The following FSIP1 variants were observed in gnomAD, a reference collection of about 807,000 sequenced individuals.
FSIP1 encodes the protein fibrous sheath interacting protein 1.
Under a neutral mutation model 60.9 loss-of-function variants are expected in FSIP1, and 65 were observed. The ratio of observed to expected loss-of-function variants is 1.07; its 90% CI spans 0.87 to 1.31. FSIP1 has a LOEUF of 1.31. Among genes scored for constraint, FSIP1 ranks in the 40% most tolerant of loss-of-function variants. The probability of loss-of-function intolerance (pLI) is 0.00; values close to 1 mark genes in which losing one functional copy is unlikely to be tolerated. For missense variants in FSIP1, 675 were observed against 665.5 expected (o/e 1.01, Z -0.16); for synonymous variants, 209 against 221.2 (o/e 0.94, Z 0.49).
At chr15:39,635,783 G>A (rs1015241456) in intron 10 of FSIP1, among the ~76,000 whole-genome samples, 1 of 152,124 alleles carries the variant, frequency 6.6e-6, no homozygotes, top group Non-Finnish European at 1.5e-5. Context: ...AAGCCATGCT[G>A]CCTACCCACC....
chr15:39,678,972 C>T (rs1894053675), intron 10 of FSIP1, among the ~76,000 whole-genome samples: 1 of 152,132 alleles, frequency 6.6e-6, no homozygotes, highest in African/African-American at 2.4e-5. Flanking sequence ...CAGGGAAAGT[C>T]CCTACTACAA....
intron 11 of FSIP1, among the ~76,000 whole-genome samples, chr15:39,603,008 G>A (rs1044987424): frequency 3.3e-5 from 5 of 152,172 alleles, no homozygotes; most frequent in African/African-American, 1.2e-4. Flanking sequence ...CTGGAGACAT[G>A]TTTGTCTGTC....
Position 39,770,436 on chromosome 15 carries a change from C to CA in FSIP1, c.300dup (p.Glu101Ter), listed in dbSNP as rs781777081. The stretch of plus-strand genomic sequence containing the variant: ...CTAGTGATTATCCTACCTGAACACT[C>CA]AGAGATTATCTGATGTTGAACCAAA... On this transcript the variant is annotated frameshift_variant, in exon 3 of 12. Transcript: ENST00000350221. LOFTEE classifies it high-confidence loss of function. The CA allele has an allele frequency of 2.2e-5, 35 of 1,595,602 alleles. No homozygotes were observed. The highest frequency in any genetic ancestry group is 3.0e-5 in the Non-Finnish European group (35 of 1,174,238).
intron 10 of FSIP1, among the ~76,000 whole-genome samples, chr15:39,649,497 A>G (rs1892776012): frequency 6.6e-6 from 1 of 152,222 alleles, no homozygotes; most frequent in Non-Finnish European, 1.5e-5. Flanking sequence ...ACTCTAGCTT[A>G]CTTCTTATAT....
At position 39,711,676 on chromosome 15, in the gene FSIP1, C is replaced by T. The variant is rs367918233; in HGVS notation, c.1188+1768G>A. Among the ~76,000 whole-genome samples, 87 of 85,756 alleles carry T rather than the reference C, an allele frequency of 1.0e-3. 1 individual carries two copies. The highest frequency in any genetic ancestry group is 4.1e-3 in the African/African-American group (82 of 19,842). 56.3% of individuals were successfully genotyped at this position (85,756 alleles called of 152,430 possible). A position where few individuals can be genotyped will look rare whatever the true frequency, so the allele number is the denominator to read the frequency against. ...TTACACTTCCCTACCATTCCTACTT[C>T]TTTTTTTTTTTTTTTTTTTTTTTTG... On this transcript the variant is annotated intron_variant, in intron 10 of 11. Transcript: ENST00000350221.
intron 10 of FSIP1, among the ~76,000 whole-genome samples, chr15:39,707,468 C>A (rs985357460): frequency 6.6e-6 from 1 of 152,104 alleles, no homozygotes; most frequent in Non-Finnish European, 1.5e-5. Flanking sequence ...TTGGCCCACC[C>A]TTCCTTTCTT....
At chr15:39,619,668 C>T in intron 10 of FSIP1, among the ~76,000 whole-genome samples, 1 of 152,138 alleles carries the variant, frequency 6.6e-6, no homozygotes, top group East Asian at 1.9e-4. Context: ...ACTATGGAAA[C>T]CTAGTCAAGT....
intron 10 of FSIP1, among the ~76,000 whole-genome samples, chr15:39,708,463 C>T (rs1895367912): frequency 6.6e-6 from 1 of 152,132 alleles, no homozygotes; most frequent in Admixed American, 6.5e-5. Context: ...TTTTTGGCTT[C>T]CCAATCACCA....
chr15:39,697,581 CTGCCCTGTGCT>C (rs1894871677), intron 10 of FSIP1, among the ~76,000 whole-genome samples: 1 of 152,206 alleles, frequency 6.6e-6, no homozygotes, highest in Non-Finnish European at 1.5e-5. Flanking sequence ...GTAAGACACT[CTGCCCTGTGCT>C]TCCCAAATTC....
intron 11 of FSIP1, among the ~76,000 whole-genome samples, chr15:39,617,299 C>G (rs551764247): frequency 9.9e-5 from 15 of 152,248 alleles, no homozygotes; most frequent in African/African-American, 3.4e-4. Context: ...AGGAGTGGCT[C>G]AGGAGAGGAG....
chr15:39,733,938 A>G (rs949938279), intron 8 of FSIP1, among the ~76,000 whole-genome samples: 11 of 152,202 alleles, frequency 7.2e-5, no homozygotes, highest in African/African-American at 2.7e-4. Flanking sequence ...CTGGCAGCCA[A>G]TCACATTCTC....
At chr15:39,601,191 G>C (rs1186580995) in intron 11 of FSIP1, among the ~76,000 whole-genome samples, 1 of 152,200 alleles carries the variant, frequency 6.6e-6, no homozygotes, top group Non-Finnish European at 1.5e-5. Flanking sequence ...TGGATGTGGA[G>C]ACACACACAG....
intron 10 of FSIP1, among the ~76,000 whole-genome samples, chr15:39,655,794 T>G (rs567714314): frequency 5.8e-4 from 88 of 152,298 alleles, no homozygotes; most frequent in African/African-American, 2.1e-3. Flanking sequence ...TATTTTGAAA[T>G]GATCTTAGGA....
intron 10 of FSIP1, among the ~76,000 whole-genome samples, chr15:39,668,932 A>G (rs576594169): frequency 4.7e-4 from 71 of 152,336 alleles, no homozygotes; most frequent in African/African-American, 1.7e-3. Context: ...TAAGATCTTA[A>G]GCAAAGTATT....
At chr15:39,739,891 C>T (rs925893355) in intron 6 of FSIP1, 102 bp from the exon 7 acceptor site, 29 of 636,522 alleles carry the variant, frequency 4.6e-5, no homozygotes, top group Non-Finnish European at 7.0e-5. Flanking sequence ...CTAAAACACA[C>T]ACAGAAGAAC....
Position 39,767,995 on chromosome 15 carries a change from C to T in FSIP1, c.311-2249G>A, listed in dbSNP as rs74011011. On this transcript the variant is annotated intron_variant, in intron 3 of 11. Coordinates refer to ENST00000350221, the MANE Select transcript of FSIP1 (RefSeq NM_152597.5). The stretch of plus-strand genomic sequence containing the variant: ...CTGATTAACACAAGCCGCCAGCAGA[C>T]GGCAAAGCTGAAAGAGCACACTGGA... Among the ~76,000 whole-genome samples, 631 of 152,316 alleles carry T rather than the reference C, an allele frequency of 4.1e-3. 1 individual carries two copies. The highest frequency in any genetic ancestry group is 0.01 in the Middle Eastern group (3 of 294).
intron 9 of FSIP1, among the ~76,000 whole-genome samples, chr15:39,720,144 C>G (rs1895897585): frequency 6.6e-6 from 1 of 152,170 alleles, no homozygotes; most frequent in South Asian, 2.1e-4. Context: ...ATACAAATCC[C>G]TGGACCCAAT....
At chr15:39,666,247 T>C (rs1314372983) in intron 10 of FSIP1, among the ~76,000 whole-genome samples, 1 of 152,180 alleles carries the variant, frequency 6.6e-6, no homozygotes, top group African/African-American at 2.4e-5. Context: ...CTAGCAGATA[T>C]GGCAGAATGG....
intron 5 of FSIP1, among the ~76,000 whole-genome samples, chr15:39,746,542 CT>C (rs1370026553): frequency 6.6e-6 from 1 of 152,140 alleles, no homozygotes; most frequent in Non-Finnish European, 1.5e-5. Flanking sequence ...GCAGATGTAC[CT>C]TTTTGCTCTG....
Sources: allele counts gnomAD v4.1 joint callset (sites outside exome capture counted in the v4.1 genomes callset), GRCh38; gene constraint gnomAD v4.1.1; transcripts MANE v1.5; gene names NCBI Gene and HGNC (gene_info 2026-07-23, HGNC 2026-07-21).